The following CAPRIN2 variants were observed in gnomAD, a reference collection of about 807,000 sequenced individuals.
CAPRIN2 encodes caprin family member 2.
A neutral mutation model predicts 130.4 loss-of-function variants in CAPRIN2; 66 were observed. The ratio of observed to expected loss-of-function variants is 0.51; its 90% CI spans 0.42 to 0.62. The LOEUF (loss-of-function observed/expected upper bound fraction) is 0.62. CAPRIN2 is among the 20% of genes least tolerant of loss of function. The pLI, the probability that CAPRIN2 is intolerant of heterozygous loss-of-function variation, is 0.00. For missense variants in CAPRIN2, 1,185 were observed against 1,246.6 expected, an observed-to-expected ratio of 0.95 and a Z score of 0.74; for synonymous variants, 471 against 444.1, an observed-to-expected ratio of 1.06 and a Z score of -0.76.
At chr12:30,744,878 T>C (rs1030459912) in intron 2 of CAPRIN2, among the ~76,000 whole-genome samples, 1 of 152,164 alleles carries the variant, frequency 6.6e-6, no homozygotes, top group South Asian at 2.1e-4. Flanking sequence ...CAGATGATCT[T>C]AGAGAGCATC....
intron 1 of CAPRIN2, among the ~76,000 whole-genome samples, chr12:30,752,822 T>C (rs2074639246): frequency 6.6e-6 from 1 of 152,206 alleles, no homozygotes; most frequent in Non-Finnish European, 1.5e-5. Context: ...ACAACAGCAT[T>C]TTCTGTAGCT....
At chr12:30,745,743 G>A (rs1007446166) in intron 2 of CAPRIN2, among the ~76,000 whole-genome samples, 2 of 151,980 alleles carry the variant, frequency 1.3e-5, no homozygotes, top group African/African-American at 4.8e-5. Context: ...TTTTTAAAAA[G>A]TGGAATAAAG....
At chr12:30,709,855 C>A in exon 17 of CAPRIN2, 1 of 1,540,988 alleles carries the variant, frequency 6.5e-7, no homozygotes. Flanking sequence ...TCCTTCAATC[C>A]CACTAATTAG....
chr12:30,727,405 G>C (rs183275462), intron 8 of CAPRIN2, among the ~76,000 whole-genome samples: 2 of 152,100 alleles, frequency 1.3e-5, no homozygotes, highest in Non-Finnish European at 2.9e-5. Context: ...GCAATGCTTT[G>C]CTTTCCCCAA....
At chr12:30,724,325 G>T in intron 10 of CAPRIN2, 45 bp downstream of exon 11, 1 of 1,131,090 alleles carries the variant, frequency 8.8e-7, no homozygotes, top group Non-Finnish European at 1.3e-6. Context: ...ACAAATAGCT[G>T]TTAGCTCAAG....
At chr12:30,740,095 G>T (rs2066720813) in intron 3 of CAPRIN2, among the ~76,000 whole-genome samples, 1 of 151,980 alleles carries the variant, frequency 6.6e-6, no homozygotes. Flanking sequence ...ATGGAGAAGA[G>T]AATTTTAGTT....
At chr12:30,712,085 T>C (rs369719750) in intron 15 of CAPRIN2, among the ~76,000 whole-genome samples, 11 of 151,926 alleles carry the variant, frequency 7.2e-5, no homozygotes, top group African/African-American at 2.2e-4. Context: ...TTTTAAGAAA[T>C]TGATAAAAAA....
At chr12:30,748,390 A>C (rs573908776) in intron 2 of CAPRIN2, among the ~76,000 whole-genome samples, 1 of 152,212 alleles carries the variant, frequency 6.6e-6, no homozygotes, top group Non-Finnish European at 1.5e-5. Context: ...AACCAGCAAA[A>C]AGATTACAAC....
chr12:30,733,820 A>T (rs1374227410), intron 4 of CAPRIN2, 109 bp from the exon 6 acceptor site: 1 of 754,696 alleles, frequency 1.3e-6, no homozygotes, highest in East Asian at 2.5e-5. Flanking sequence ...TTCAAATGTT[A>T]ATTTTGTCTT....
intron 15 of CAPRIN2, among the ~76,000 whole-genome samples, chr12:30,713,274 T>C (rs893331141): frequency 6.6e-6 from 1 of 152,196 alleles, no homozygotes; most frequent in African/African-American, 2.4e-5. Flanking sequence ...TATGAGTCTT[T>C]TACCATATGT....
intron 2 of CAPRIN2, among the ~76,000 whole-genome samples, chr12:30,741,607 A>G (rs2067469803): frequency 6.6e-6 from 1 of 152,168 alleles, no homozygotes; most frequent in Non-Finnish European, 1.5e-5. Flanking sequence ...TAAAGGAGCA[A>G]AACTTTTTTT....
At chr12:30,711,219 G>A (rs1466436859) in intron 16 of CAPRIN2, among the ~76,000 whole-genome samples, 2 of 152,250 alleles carry the variant, frequency 1.3e-5, no homozygotes, top group South Asian at 4.1e-4. Context: ...TTAATGCAGT[G>A]ACACTACAGT....
chr12:30,735,947 C>G (rs555185383), intron 3 of CAPRIN2, among the ~76,000 whole-genome samples: 11 of 152,102 alleles, frequency 7.2e-5, no homozygotes, highest in African/African-American at 2.4e-4. Context: ...TCAAGACCAG[C>G]CTGGGCAACA....
rs142299018 is a variant in CAPRIN2 at position 30,723,435 on chromosome 12, A to G, written c.1988-121T>C. ...ACATTAGCTGGAAGGACTACGTCTC[A>G]AGTTCATCATGCACTTTCTATTAGA... On this transcript the variant is annotated intron_variant, in intron 10 of 16. Transcript: ENST00000298892. 20 of 660,680 alleles carry G rather than the reference A, an allele frequency of 3.0e-5. No homozygotes were observed. In the African/African-American group the frequency reaches 3.1e-4, roughly 10 times the overall value. 40.9% of individuals were successfully genotyped at this position (660,680 alleles called of 1,614,324 possible). A position where few individuals can be genotyped will look rare whatever the true frequency, so the allele number is the denominator to read the frequency against.
intron 11 of CAPRIN2, among the ~76,000 whole-genome samples, chr12:30,722,283 T>C (rs1421503560): frequency 6.6e-6 from 1 of 152,176 alleles, no homozygotes; most frequent in Admixed American, 6.5e-5. Context: ...TTCCAAAAAA[T>C]GGGTATGAAG....
intron 3 of CAPRIN2, among the ~76,000 whole-genome samples, chr12:30,737,166 G>T (rs1014748328): frequency 3.3e-5 from 5 of 151,670 alleles, no homozygotes; most frequent in African/African-American, 4.8e-5. Context: ...CACCATGCCT[G>T]GCTAATTTTT....
chr12:30,753,669 A>C (rs763730943), exon 1 of CAPRIN2: 1 of 1,614,112 alleles, frequency 6.2e-7, no homozygotes, highest in Non-Finnish European at 8.5e-7. Flanking sequence ...CAGCCAGGCA[A>C]TAACTTCCCT....
At chr12:30,713,022 G>T (rs959113916) in intron 15 of CAPRIN2, among the ~76,000 whole-genome samples, 1 of 152,234 alleles carries the variant, frequency 6.6e-6, no homozygotes, top group East Asian at 1.9e-4. Flanking sequence ...GATTACAGGC[G>T]TGAGTCACCA....
chr12:30,720,938 T>C (rs369690765), intron 11 of CAPRIN2, 23 bp from the exon 13 acceptor site: 48 of 1,529,780 alleles, frequency 3.1e-5, no homozygotes, highest in Non-Finnish European at 4.1e-5. Context: ...AAATACAAAA[T>C]ATTGTAAAAG....
Sources: gnomAD v4.1 joint callset for allele counts (sites outside exome capture counted in the v4.1 genomes callset) on GRCh38, gnomAD v4.1.1 for gene constraint, MANE v1.5 for transcripts, NCBI Gene and HGNC (gene_info 2026-07-23, HGNC 2026-07-21) for gene names.